Variants in ATG7 observed in about 807,000 individuals in gnomAD.
The protein encoded by ATG7 is autophagy related 7, also known as ubiquitin-like modifier-activating enzyme ATG7.
In ATG7, 70 loss-of-function variants were observed where a neutral mutation model predicts 82.4. The observed-to-expected ratio is 0.85, with a 90% CI of 0.70 to 1.04. ATG7 has a LOEUF of 1.04. ATG7 is among the 50% of genes least tolerant of loss of function. The pLI, the probability that ATG7 is intolerant of heterozygous loss-of-function variation, is 0.00. For missense variants in ATG7, 792 were observed against 864.3 expected, an observed-to-expected ratio of 0.92 and a Z score of 1.05; for synonymous variants, 287 against 313.0, an observed-to-expected ratio of 0.92 and a Z score of 0.88.
At chr3:11,344,514 C>G (rs142999459) in intron 13 of ATG7, among the ~76,000 whole-genome samples, 1 of 152,062 alleles carries the variant, frequency 6.6e-6, no homozygotes, top group African/African-American at 2.4e-5. Flanking sequence ...CCTATTTGTA[C>G]GTGGTATCTT....
intron 20 of ATG7, among the ~76,000 whole-genome samples, chr3:11,429,816 T>C (rs1250162034): frequency 6.6e-6 from 1 of 151,828 alleles, no homozygotes; most frequent in Non-Finnish European, 1.5e-5. Flanking sequence ...GGTGTGGCAA[T>C]GTGCGCCTGT....
chr3:11,564,145 C>G, the ATG7 span, among the ~76,000 whole-genome samples: 1 of 152,252 alleles, frequency 6.6e-6, no homozygotes, highest in African/African-American at 2.4e-5. Flanking sequence ...CTCCTCAATG[C>G]TGCTGCCTTC....
intron 14 of ATG7, among the ~76,000 whole-genome samples, chr3:11,350,778 C>T (rs2075474564): frequency 6.6e-6 from 1 of 151,694 alleles, no homozygotes; most frequent in Admixed American, 6.6e-5. Context: ...GGAGGAGGTG[C>T]CTAATTGGGA....
At chr3:11,284,963 C>T (rs1001694295) in intron 3 of ATG7, among the ~76,000 whole-genome samples, 1 of 151,566 alleles carries the variant, frequency 6.6e-6, no homozygotes, top group Non-Finnish European at 1.5e-5. Flanking sequence ...TCTCCTGCCT[C>T]AGCCTCCCAA....
Position 11,315,498 on chromosome 3 carries a change from GA to G in ATG7, c.678+6del, listed in dbSNP as rs1476781872. ...TTCCAAGGTCAAAGGACGAAGGTCA[GA>G]TAAACTTTGAGTATCATTTTATTAT... On this transcript the variant is annotated splice_donor_region_variant and intron_variant, in intron 9 of 20. Coordinates refer to ENST00000693202, the MANE Select transcript of ATG7 (RefSeq NM_001349232.2). 3 of 1,574,052 alleles carry G rather than the reference GA, an allele frequency of 1.9e-6. No homozygotes were observed. In the African/African-American group the frequency reaches 4.1e-5, roughly 22 times the overall value.
At chr3:11,405,959 T>G (rs1437104451) in intron 19 of ATG7, among the ~76,000 whole-genome samples, 2 of 151,446 alleles carry the variant, frequency 1.3e-5, no homozygotes, top group East Asian at 3.9e-4. Context: ...CTTCCTTTCC[T>G]TTTCTTCCTT....
chr3:11,535,239 C>G (rs1054833876), intron 20 of ATG7, among the ~76,000 whole-genome samples: 2 of 152,212 alleles, frequency 1.3e-5, no homozygotes, highest in South Asian at 2.1e-4. Flanking sequence ...TCAGGCCAGT[C>G]TTTGCACCCC....
At chr3:11,501,932 C>A (rs2091357803) in intron 20 of ATG7, among the ~76,000 whole-genome samples, 1 of 152,026 alleles carries the variant, frequency 6.6e-6, no homozygotes, top group Non-Finnish European at 1.5e-5. Context: ...TCAGTTGATC[C>A]CCTGCCTCGG....
intron 3 of ATG7, chr3:11,290,616 T>C: frequency 3.2e-6 from 1 of 316,206 alleles, no homozygotes. Flanking sequence ...AGACTTTATT[T>C]TAGGCTTCAG....
chr3:11,415,723 TATG>T (rs2081315588), intron 19 of ATG7, among the ~76,000 whole-genome samples: 1 of 151,624 alleles, frequency 6.6e-6, no homozygotes, highest in South Asian at 2.1e-4. Context: ...TGTCATCTCT[TATG>T]ATAGCAATGC....
At chr3:11,494,300 T>A (rs1559745854) in intron 20 of ATG7, among the ~76,000 whole-genome samples, 1 of 152,282 alleles carries the variant, frequency 6.6e-6, no homozygotes. Context: ...GGTGGTCACT[T>A]AGGCAATCAT....
chr3:11,284,533 G>A (rs536384279), intron 3 of ATG7, among the ~76,000 whole-genome samples: 13 of 152,220 alleles, frequency 8.5e-5, no homozygotes, highest in African/African-American at 2.9e-4. Context: ...TTAAAGATAG[G>A]GGTTTTGTTC....
downstream of ATG7, chr3:11,557,891 T>G (rs2072587814): frequency 6.5e-6 from 1 of 153,240 alleles, no homozygotes; most frequent in Non-Finnish European, 1.5e-5. Context: ...ACCTATAACC[T>G]GTATGAGACT....
In ATG7 at chr3:11,313,381, G is replaced by A. The variant is rs1417751453; in HGVS notation, c.489G>A (p.Gln163=). 4 of 1,612,404 alleles carry A rather than the reference G, an allele frequency of 2.5e-6. No individual in the cohort carries two copies. In the Admixed American group the frequency reaches 5.0e-5, roughly 20 times the overall value. Residue 163 remains glutamine (Q), a synonymous_variant, in exon 8 of 21, where the codon CAG becomes CAA. Transcript: ENST00000693202. The stretch of plus-strand genomic sequence containing the variant: ...TTCCAGAGAGTTTACCTCTCATTCA[G>A]GGGCCAGTGGGTTTGGATCAAAGGT... The part of the protein sequence containing the change: ...LCLPESLPLI[Q]GPVGLDQRFS...
At chr3:11,302,980 A>G (rs1442946729) in intron 5 of ATG7, among the ~76,000 whole-genome samples, 1 of 152,232 alleles carries the variant, frequency 6.6e-6, no homozygotes, top group Non-Finnish European at 1.5e-5. Context: ...TAAGGGCCCA[A>G]ACACTAAGAA....
downstream of ATG7, chr3:11,559,502 G>T: frequency 6.7e-7 from 1 of 1,501,440 alleles, no homozygotes. Context: ...CTTCAGTACC[G>T]GGCACCACCC....
chr3:11,496,931 C>A (rs534617992), intron 20 of ATG7, among the ~76,000 whole-genome samples: 3 of 151,442 alleles, frequency 2.0e-5, no homozygotes, highest in African/African-American at 7.3e-5. Flanking sequence ...GTGATCTCGG[C>A]TCACTGCAAC....
intron 15 of ATG7, among the ~76,000 whole-genome samples, chr3:11,360,054 T>G (rs2076188496): frequency 6.6e-6 from 1 of 152,208 alleles, no homozygotes; most frequent in South Asian, 2.1e-4. Flanking sequence ...GTTTGCTTTT[T>G]TCTTTTTCAG....
the ATG7 span, among the ~76,000 whole-genome samples, chr3:11,565,911 G>A: frequency 1.3e-5 from 2 of 152,128 alleles, no homozygotes; most frequent in African/African-American, 4.8e-5. This position sits in a 1 kb window ranked among gnomAD's most constrained non-coding sequence, Gnocchi z 4.1. Context: ...CATCTGCCTT[G>A]GGTCTTGCCC....
Sources: gnomAD v4.1 joint callset for allele counts (sites outside exome capture counted in the v4.1 genomes callset) on GRCh38, gnomAD v4.1.1 for gene constraint, Gnocchi (gnomAD v3.1) non-coding constraint, MANE v1.5 for transcripts, NCBI Gene and HGNC (gene_info 2026-07-23, HGNC 2026-07-21) for gene names.